EEPD1: variants seen among roughly 807,000 people sequenced by gnomAD.
EEPD1 encodes the protein endonuclease/exonuclease/phosphatase family domain-containing protein 1.
Under a neutral mutation model 46.3 loss-of-function variants are expected in EEPD1, and 17 were observed. That is an observed-to-expected ratio of 0.37 (90% CI 0.25 to 0.55). EEPD1 has a LOEUF of 0.55. EEPD1 is among the 20% of genes least tolerant of loss of function. The pLI is 0.83. For missense variants in EEPD1, 673 were observed against 745.6 expected (o/e 0.90, Z 1.13); for synonymous variants, 313 against 315.6 (o/e 0.99, Z 0.09).
Position 36,267,799 on chromosome 7 carries a change from C to A in EEPD1, c.931-13316C>A, listed in dbSNP as rs565379315. ...CAACTTGTTATGTTCAAGTCCTAAT[C>A]CCCAGTATGATGGTGTTTGGAGGTA... On this transcript the variant is annotated intron_variant, in intron 3 of 7. Coordinates refer to ENST00000242108, the MANE Select transcript of EEPD1 (RefSeq NM_030636.3). Among the ~76,000 whole-genome samples the A allele has an allele frequency of 2.0e-5, 3 of 152,298 alleles. No homozygotes were observed. The South Asian group carries it at 6.2e-4, about 32-fold the overall frequency.
At chr7:36,164,475 A>C (rs1012846428) in intron 2 of EEPD1, among the ~76,000 whole-genome samples, 1 of 152,226 alleles carries the variant, frequency 6.6e-6, no homozygotes, top group Non-Finnish European at 1.5e-5. Flanking sequence ...GAATGGGGAC[A>C]CTTTGGTAGG....
At chr7:36,256,781 G>T (rs1020969636) in intron 3 of EEPD1, among the ~76,000 whole-genome samples, 1 of 151,960 alleles carries the variant, frequency 6.6e-6, no homozygotes, top group Non-Finnish European at 1.5e-5. Context: ...TATCCAATTT[G>T]CCAGTCTGTG....
Position 36,281,181 on chromosome 7 carries a change from T to A in EEPD1, c.997T>A (p.Trp333Arg). ...CAAGTGGAAGGGGCCCCGGGGATGCTGGAAGGCTGTTGTTGCTGAGAAGCC... is the reference window on the plus strand; with the variant it reads ...CAAGTGGAAGGGGCCCCGGGGATGCAGGAAGGCTGTTGTTGCTGAGAAGCC... ...IRKWKGPRGC[W>R]KAVVAEKPSS... Residue 333 changes from tryptophan to arginine, a missense_variant, in exon 4 of 8, where the codon TGG (tryptophan) becomes AGG (arginine). Trp to Arg is a moderately radical substitution (Grantham distance 101). Coordinates refer to ENST00000242108, the MANE Select transcript of EEPD1 (RefSeq NM_030636.3). 6 of 1,614,206 alleles carry A rather than the reference T, an allele frequency of 3.7e-6. No homozygotes were observed. The highest frequency in any genetic ancestry group is 4.2e-6 in the Non-Finnish European group (5 of 1,180,046).
chr7:36,220,787 C>T (rs181681826), intron 2 of EEPD1, among the ~76,000 whole-genome samples: 2 of 152,160 alleles, frequency 1.3e-5, no homozygotes, highest in African/African-American at 2.4e-5. Flanking sequence ...ACACTGAATT[C>T]GGTTTTTGTT....
intron 2 of EEPD1, among the ~76,000 whole-genome samples, chr7:36,216,963 A>G (rs1786039062): frequency 6.6e-6 from 1 of 152,166 alleles, no homozygotes; most frequent in Non-Finnish European, 1.5e-5. Context: ...TTTTTTCTGT[A>G]TTTTAAAACT....
intron 2 of EEPD1, among the ~76,000 whole-genome samples, chr7:36,176,871 C>A (rs1785188322): frequency 6.6e-6 from 1 of 152,110 alleles, no homozygotes; most frequent in Admixed American, 6.5e-5. Flanking sequence ...ATAAAGCTGC[C>A]TGGTTCTCCT....
At chr7:36,186,215 T>TAGTG (rs1285109339) in intron 2 of EEPD1, among the ~76,000 whole-genome samples, 8 of 152,180 alleles carry the variant, frequency 5.3e-5, no homozygotes, top group East Asian at 3.9e-4. Context: ...CTCTGCTGGG[T>TAGTG]AGTGGCACAA....
At chr7:36,176,906 T>C (rs767772579) in intron 2 of EEPD1, among the ~76,000 whole-genome samples, 1 of 152,240 alleles carries the variant, frequency 6.6e-6, no homozygotes, top group Non-Finnish European at 1.5e-5. Flanking sequence ...GTACTTTGAA[T>C]GTCCTCAGTG....
chr7:36,164,421 G>A (rs765713312), intron 2 of EEPD1, among the ~76,000 whole-genome samples: 4 of 152,236 alleles, frequency 2.6e-5, no homozygotes, highest in Non-Finnish European at 4.4e-5. Context: ...CAAGCCAAGT[G>A]TACTCATTGC....
At chr7:36,272,461 A>G (rs1787123257) in intron 3 of EEPD1, among the ~76,000 whole-genome samples, 1 of 150,576 alleles carries the variant, frequency 6.6e-6, no homozygotes, top group South Asian at 2.1e-4. Flanking sequence ...TCTTGCTCTC[A>G]GTTTCATAAT....
At chr7:36,240,939 A>G (rs1488348717) in intron 3 of EEPD1, among the ~76,000 whole-genome samples, 1 of 152,208 alleles carries the variant, frequency 6.6e-6, no homozygotes, top group Non-Finnish European at 1.5e-5. Flanking sequence ...GGGCATGGTT[A>G]TAACTTATTC....
chr7:36,261,433 T>C (rs941889921), intron 3 of EEPD1, among the ~76,000 whole-genome samples: 1 of 152,228 alleles, frequency 6.6e-6, no homozygotes, highest in Non-Finnish European at 1.5e-5. Flanking sequence ...AACTCACTGC[T>C]GTTCCTTCAA....
intron 3 of EEPD1, among the ~76,000 whole-genome samples, chr7:36,243,640 G>C (rs1047130114): frequency 1.3e-5 from 2 of 152,150 alleles, no homozygotes; most frequent in Non-Finnish European, 2.9e-5. Flanking sequence ...TTTTAAGATG[G>C]AAGCTATTCT....
intron 3 of EEPD1, among the ~76,000 whole-genome samples, chr7:36,261,912 C>T (rs1786931253): frequency 6.6e-6 from 1 of 152,276 alleles, no homozygotes; most frequent in Admixed American, 6.5e-5. Context: ...TTTTATTAAC[C>T]TTCAGGAGGC....
rs1400327373 is a variant in EEPD1, at chr7:36,225,507, A to C, written c.879-13478A>C. Reference sequence around the variant, plus strand: ...AACAAACTCAGAAAGAGACGGCCACATCTGAGCATACCCTGGGAATAATAA... The same window carrying C: ...AACAAACTCAGAAAGAGACGGCCACCTCTGAGCATACCCTGGGAATAATAA... On this transcript the variant is annotated intron_variant, in intron 2 of 7. Transcript: ENST00000242108. The surrounding 1 kb of genome is among the most constrained non-coding windows in gnomAD (Gnocchi z 4.2). Among the ~76,000 whole-genome samples, 3 of 152,220 alleles carry C rather than the reference A, an allele frequency of 2.0e-5. No homozygotes were observed. The highest frequency in any genetic ancestry group is 4.4e-5 in the Non-Finnish European group (3 of 68,042).
intron 3 of EEPD1, among the ~76,000 whole-genome samples, chr7:36,257,307 G>T (rs560793387): frequency 6.7e-6 from 1 of 149,924 alleles, no homozygotes; most frequent in Non-Finnish European, 1.5e-5. Context: ...TCTCGGGGTC[G>T]CTCTTCTCAA....
chr7:36,290,810 G>C (rs1040230495), intron 6 of EEPD1, among the ~76,000 whole-genome samples: 1 of 152,202 alleles, frequency 6.6e-6, no homozygotes, highest in Non-Finnish European at 1.5e-5. Flanking sequence ...ACTCTCTGAG[G>C]AAGTCAGCCC....
intron 2 of EEPD1, among the ~76,000 whole-genome samples, chr7:36,186,475 G>A (rs1785361581): frequency 6.6e-6 from 1 of 152,188 alleles, no homozygotes; most frequent in South Asian, 2.1e-4. Flanking sequence ...ACCTTCCATG[G>A]AAGTCTTAGA....
intron 2 of EEPD1, among the ~76,000 whole-genome samples, chr7:36,219,806 A>AGTGTGTGTGT (rs70977121): frequency 0.027 from 2,008 of 75,334 alleles, 47 homozygotes; most frequent in South Asian, 0.063. Flanking sequence ...AGAGAGAGAG[A>AGTGTGTGTGT]GTGTGTGTGT....
Sources: allele counts gnomAD v4.1 joint callset (sites outside exome capture counted in the v4.1 genomes callset), GRCh38; gene constraint gnomAD v4.1.1; non-coding constraint Gnocchi (gnomAD v3.1); transcripts MANE v1.5; gene names NCBI Gene and HGNC (gene_info 2026-07-23, HGNC 2026-07-21).